HCN4: variants seen among roughly 807,000 people sequenced by gnomAD.
The protein encoded by HCN4 is hyperpolarization activated cyclic nucleotide gated potassium channel 4.
HCN4 carries 29 observed loss-of-function variants against 76.9 expected under a neutral mutation model. The observed-to-expected ratio is 0.38, with a 90% CI of 0.28 to 0.51. The LOEUF (loss-of-function observed/expected upper bound fraction) is 0.51, where lower values mean the gene tolerates loss of function less well. Ranked by LOEUF, HCN4 falls within the 20% of genes least tolerant of loss-of-function variation. HCN4 has a pLI of 0.90. For synonymous variants in HCN4, 772 were observed against 762.5 expected (o/e 1.01, Z -0.21); for missense variants, 1,416 against 1,715.2 (o/e 0.83, Z 3.08).
At chr15:73,330,907 G>A (rs1232643799) in intron 3 of HCN4, among the ~76,000 whole-genome samples, 1 of 152,222 alleles carries the variant, frequency 6.6e-6, no homozygotes, top group African/African-American at 2.4e-5. Context: ...TTACTGCTGA[G>A]CCTCTGGGAA....
rs1018942738 is a variant in HCN4, at chr15:73,321,320, C to T, written c.*1161G>A. ...ACACAGTTTTCTGATGGAAGGAACACAGACTTGGGCCTCAAGGAGGCGTGG... is the reference window on the plus strand; with the variant it reads ...ACACAGTTTTCTGATGGAAGGAACATAGACTTGGGCCTCAAGGAGGCGTGG... On this transcript the variant is annotated 3_prime_UTR_variant, in exon 8 of 8. Coordinates refer to ENST00000261917, the MANE Select transcript of HCN4 (RefSeq NM_005477.3). 4 of 152,224 alleles carry T rather than the reference C, an allele frequency of 2.6e-5. No homozygotes were observed. The highest frequency in any genetic ancestry group is 2.0e-4 in the Admixed American group (3 of 15,284). The allele number at this position is 152,224 out of a possible 1,614,324, so 9.4% of individuals were successfully genotyped here.
chr15:73,358,442 G>C (rs968285137), intron 1 of HCN4, among the ~76,000 whole-genome samples: 1 of 152,190 alleles, frequency 6.6e-6, no homozygotes, highest in African/African-American at 2.4e-5. Flanking sequence ...AGCCTCCAAC[G>C]GGGAACTGCA....
At position 73,367,818 on chromosome 15, in the gene HCN4, C is replaced by A; in HGVS notation, c.453G>T (p.Glu151Asp). The A allele has an allele frequency of 8.1e-7, 1 of 1,234,114 alleles. No homozygotes were observed. The highest frequency in any genetic ancestry group is 1.0e-6 in the Non-Finnish European group (1 of 993,812). 76.4% of individuals were successfully genotyped at this position (1,234,114 alleles called of 1,614,324 possible). ...EDRTPPGLAAEPERPGASAQP... is the reference protein window; with the variant it reads ...EDRTPPGLAADPERPGASAQP... ...GCGCCGAGGCGCCGGGGCGCTCGGG[C>A]TCGGCCGCCAGGCCTGGGGGCGTCC... The change falls in exon 1 of 8, where the codon GAG (glutamate) becomes GAT (aspartate). Residue 151 changes from glutamate to aspartate, a missense_variant. Glu to Asp is a conservative substitution (Grantham distance 45). Transcript: ENST00000261917. This position sits in a 1 kb window ranked among gnomAD's most constrained non-coding sequence, Gnocchi z 7.5.
chr15:73,359,141 C>T (rs2043093889), intron 1 of HCN4, among the ~76,000 whole-genome samples: 1 of 152,202 alleles, frequency 6.6e-6, no homozygotes, highest in Admixed American at 6.5e-5. Flanking sequence ...ATTATCAGGC[C>T]CCCGCAGCTG....
At chr15:73,352,752 C>T (rs2043060501) in intron 1 of HCN4, among the ~76,000 whole-genome samples, 1 of 152,190 alleles carries the variant, frequency 6.6e-6, no homozygotes, top group Non-Finnish European at 1.5e-5. Flanking sequence ...CTCCCTTCTT[C>T]CCAAATAGGC....
chr15:73,323,184 G>A lies in HCN4; in HGVS notation c.2909C>T (p.Ser970Phe), dbSNP rs1255706431. 3 of 1,548,006 alleles carry A rather than the reference G, an allele frequency of 1.9e-6. No homozygotes were observed. Among genetic ancestry groups the A allele is most frequent in the East Asian group, 2.3e-5 (1 of 43,992 alleles). Residue 970 changes from serine to phenylalanine, a missense_variant, in exon 8 of 8, where the codon TCT becomes TTT. Coordinates refer to ENST00000261917, the MANE Select transcript of HCN4 (RefSeq NM_005477.3). The stretch of plus-strand genomic sequence containing the variant: ...AGGCTGGCCCAGCTGCCCGGGGCTA[G>A]ATGACGGGGATCTGGATGAGGGTGG... ...PPPPSSRSPS[S>F]SPGQLGQPPG...
chr15:73,322,846 G>A lies in HCN4; in HGVS notation c.3247C>T (p.Leu1083Phe), dbSNP rs1474106451. The change falls in exon 8 of 8, where the codon CTC (leucine) becomes TTC (phenylalanine). Residue 1083 changes from leucine to phenylalanine, a missense_variant. Leu to Phe is a conservative substitution (Grantham distance 22). Transcript: ENST00000261917. ...GGCTGAGACGCGGAGATGAGCTTGA[G>A]GTCCTGGGTGAGGCGGCCGGGGGTG... ...PLTPGRLTQD[L>F]KLISASQPAL... The A allele has an allele frequency of 1.3e-6, 2 of 1,511,022 alleles. No homozygotes were observed. Among genetic ancestry groups the A allele is most frequent in the Non-Finnish European group, 1.8e-6 (2 of 1,132,620 alleles). The allele number at this position is 1,511,022 out of a possible 1,614,324, so 93.6% of individuals were successfully genotyped here.
At chr15:73,346,757 G>A (rs560984952) in intron 1 of HCN4, among the ~76,000 whole-genome samples, 3 of 152,314 alleles carry the variant, frequency 2.0e-5, no homozygotes, top group African/African-American at 4.8e-5. Context: ...GCCTAGAAGG[G>A]TGAGGCCGGG....
rs948263964 is a variant in HCN4, at chr15:73,322,436, G to A, written c.*45C>T. The A allele has an allele frequency of 5.6e-5, 80 of 1,429,534 alleles. No homozygotes were observed. Among genetic ancestry groups the A allele is most frequent in the Non-Finnish European group, 7.0e-5 (73 of 1,040,010 alleles). 88.6% of individuals were successfully genotyped at this position (1,429,534 alleles called of 1,614,324 possible). A position where few individuals can be genotyped will look rare whatever the true frequency, so the allele number is the denominator to read the frequency against. Reference sequence around the variant, plus strand: ...ATCACAGTTAAACCTGAAGGAAGAAGGAAGGGAGAGAAAAGAAGAAAGAAG... The same window carrying A: ...ATCACAGTTAAACCTGAAGGAAGAAAGAAGGGAGAGAAAAGAAGAAAGAAG... On this transcript the variant is annotated 3_prime_UTR_variant, in exon 8 of 8. Transcript: ENST00000261917.
intron 4 of HCN4, among the ~76,000 whole-genome samples, chr15:73,326,140 C>T (rs1409160473): frequency 6.6e-6 from 1 of 151,974 alleles, no homozygotes; most frequent in African/African-American, 2.4e-5. Flanking sequence ...GGACATTGCT[C>T]CCACCATCCT....
intron 1 of HCN4, among the ~76,000 whole-genome samples, chr15:73,355,923 T>G (rs1045993580): frequency 6.6e-6 from 1 of 152,118 alleles, no homozygotes; most frequent in African/African-American, 2.4e-5. Context: ...TAACAAGCAG[T>G]TGGAGAACCT....
chr15:73,338,259 T>A (rs1300711762), intron 2 of HCN4, among the ~76,000 whole-genome samples: 4 of 152,226 alleles, frequency 2.6e-5, no homozygotes, highest in African/African-American at 9.6e-5. Context: ...TTGCTCTTTA[T>A]ATTTCATTAG....
chr15:73,335,548 C>T (rs1472254823), intron 2 of HCN4: 1 of 152,372 alleles, frequency 6.6e-6, no homozygotes. Flanking sequence ...CACCAGAGCA[C>T]AGCCCACCTC....
chr15:73,365,982 G>C (rs2043126569), intron 1 of HCN4, among the ~76,000 whole-genome samples: 1 of 152,198 alleles, frequency 6.6e-6, no homozygotes, highest in Non-Finnish European at 1.5e-5. Context: ...TCAGGGCCCA[G>C]TACTGGCCAG....
Position 73,329,873 on chromosome 15 carries a change from CACCTCA to C in HCN4, c.1372-88_1372-83del. The C allele has an allele frequency of 6.0e-6, 7 of 1,167,736 alleles. No homozygotes were observed. The South Asian group carries it at 8.9e-5, about 15-fold the overall frequency. 72.3% of individuals were successfully genotyped at this position (1,167,736 alleles called of 1,614,324 possible). The stretch of plus-strand genomic sequence containing the variant: ...GCAAGAAAAGGCCCTGCCACCTCCT[CACCTCA>C]ACCTAACTTTCTCAGTGGCTGGGCC... On this transcript the variant is annotated intron_variant, in intron 3 of 7. Transcript: ENST00000261917.
intron 1 of HCN4, among the ~76,000 whole-genome samples, chr15:73,361,873 CCT>C (rs924020590): frequency 3.5e-4 from 54 of 152,330 alleles, no homozygotes; most frequent in African/African-American, 1.3e-3. Context: ...TCAGCTGGCC[CCT>C]GTCAGAGCCA....
chr15:73,341,268 G>C, intron 2 of HCN4, among the ~76,000 whole-genome samples: 1 of 152,068 alleles, frequency 6.6e-6, no homozygotes, highest in African/African-American at 2.4e-5. Flanking sequence ...AGCCTCCCGA[G>C]TAGCTGGGAT....
chr15:73,367,969 GC>G lies in HCN4; in HGVS notation c.301del (p.Ala101ProfsTer131). 1 of 1,353,840 alleles carries G rather than the reference GC, an allele frequency of 7.4e-7. No homozygotes were observed. The highest frequency in any genetic ancestry group is 1.5e-5 in the African/African-American group (1 of 66,222). 83.9% of individuals were successfully genotyped at this position (1,353,840 alleles called of 1,614,324 possible). A position where few individuals can be genotyped will look rare whatever the true frequency, so the allele number is the denominator to read the frequency against. On this transcript the variant is annotated frameshift_variant, in exon 1 of 8. Coordinates refer to ENST00000261917, the MANE Select transcript of HCN4 (RefSeq NM_005477.3). LOFTEE classifies it high-confidence loss of function. The surrounding 1 kb of genome is among the most constrained non-coding windows in gnomAD (Gnocchi z 7.5). ...GCCGCCGCCCCGGCTGCCCAGCGAG[GC>G]CAGGCTCCCGCGGAAGCGCCTGCAG... ...GDCRRFRGSL[A>X]SLGSRGGGSG...
Position 73,367,932 on chromosome 15 carries a change from C to A in HCN4, c.339G>T (p.Thr113=). The A allele has an allele frequency of 7.3e-7, 1 of 1,365,538 alleles. No homozygotes were observed. Among genetic ancestry groups the A allele is most frequent in the Non-Finnish European group, 9.4e-7 (1 of 1,063,206 alleles). The allele number at this position is 1,365,538 out of a possible 1,614,324, so 84.6% of individuals were successfully genotyped here. The stretch of plus-strand genomic sequence containing the variant: ...GGTGTCCGTGACTGCTGCCGCTCCC[C>A]GTGCCGCCGCTGCCGCCGCCCCGGC... ...LGSRGGGSGG[T]GSGSSHGHLH... The change falls in exon 1 of 8, where the codon ACG becomes ACT. Residue 113 remains threonine (T), a synonymous_variant. Coordinates refer to ENST00000261917, the MANE Select transcript of HCN4 (RefSeq NM_005477.3). The surrounding 1 kb of genome is among the most constrained non-coding windows in gnomAD (Gnocchi z 7.5).
Sources: allele counts gnomAD v4.1 joint callset (sites outside exome capture counted in the v4.1 genomes callset), GRCh38; gene constraint gnomAD v4.1.1; non-coding constraint Gnocchi (gnomAD v3.1); transcripts MANE v1.5; gene names NCBI Gene and HGNC (gene_info 2026-07-23, HGNC 2026-07-21).